The following NUDC variants were observed in gnomAD, a reference collection of about 807,000 sequenced individuals.
NUDC encodes nuclear migration protein nudC.
Under a neutral mutation model 45.0 loss-of-function variants are expected in NUDC, and 14 were observed. The observed-to-expected ratio is 0.31, with a 90% CI of 0.21 to 0.49. NUDC has a LOEUF of 0.49. Among genes scored for constraint, NUDC ranks in the 20% least tolerant of loss-of-function variants. The pLI is 0.99. For synonymous variants in NUDC, 153 were observed against 156.7 expected (o/e 0.98, Z 0.17); for missense variants, 323 against 426.2 (o/e 0.76, Z 2.13).
At chr1:26,907,519 G>T (rs1231516844) in intron 2 of NUDC, among the ~76,000 whole-genome samples, 2 of 151,606 alleles carry the variant, frequency 1.3e-5, no homozygotes, top group Non-Finnish European at 2.9e-5. Context: ...GATAGTGGGT[G>T]TTGGCTTTTT....
chr1:26,901,116 G>C (rs955811407), intron 1 of NUDC, among the ~76,000 whole-genome samples: 1 of 152,138 alleles, frequency 6.6e-6, no homozygotes, highest in Non-Finnish European at 1.5e-5. Flanking sequence ...AACAATTGGC[G>C]TTATCTAGTA....
chr1:26,919,493 T>C (rs2082078598), upstream of NUDC, among the ~76,000 whole-genome samples: 1 of 152,226 alleles, frequency 6.6e-6, no homozygotes, highest in Admixed American at 6.5e-5. Context: ...CATAAACTTG[T>C]TTCTTTCACT....
intron 3 of NUDC, among the ~76,000 whole-genome samples, chr1:26,914,180 G>A (rs561251927): frequency 2.0e-5 from 3 of 152,308 alleles, no homozygotes; most frequent in South Asian, 2.1e-4. Context: ...GAAGTGGCCG[G>A]TGCAGGGCAC....
Position 26,925,718 on chromosome 1 carries a change from A to ATT in NUDC, c.159+1572_159+1573dup, listed in dbSNP as rs35681038. Among the ~76,000 whole-genome samples, 468 of 126,850 alleles carry ATT rather than the reference A, an allele frequency of 3.7e-3. 7 individuals are homozygous for ATT. The highest frequency in any genetic ancestry group is 0.011 in the African/African-American group (388 of 34,250). 83.2% of individuals were successfully genotyped at this position (126,850 alleles called of 152,430 possible). On this transcript the variant is annotated intron_variant, in intron 2 of 8. Coordinates refer to ENST00000321265, the MANE Select transcript of NUDC (RefSeq NM_006600.4). ...TTTGAAAATTGTTATATCATGAGGAATTTTTTTTTTTTTTTTTTTTTGAGA... is the reference window on the plus strand; with the variant it reads ...TTTGAAAATTGTTATATCATGAGGAATTTTTTTTTTTTTTTTTTTTTTTGAGA...
At chr1:26,935,188 G>T (rs958943985) in intron 2 of NUDC, among the ~76,000 whole-genome samples, 1 of 151,068 alleles carries the variant, frequency 6.6e-6, no homozygotes, top group Non-Finnish European at 1.5e-5. Context: ...CACTGTGTTG[G>T]CCAACCTGGT....
At chr1:26,917,973 TACACACAC>T (rs113458577), upstream of NUDC, among the ~76,000 whole-genome samples, 7 of 147,446 alleles carry the variant, frequency 4.7e-5, no homozygotes, top group East Asian at 2.0e-4. Flanking sequence ...AATGAATGTG[TACACACAC>T]ACACACACAC....
chr1:26,913,499 A>C (rs1359174549), intron 3 of NUDC: 9 of 1,613,590 alleles, frequency 5.6e-6, no homozygotes, highest in Admixed American at 1.7e-5. Flanking sequence ...CATTGAAGCC[A>C]CTGCACCGCA....
At chr1:26,917,745 A>G (rs958056571), upstream of NUDC, among the ~76,000 whole-genome samples, 11 of 151,470 alleles carry the variant, frequency 7.3e-5, no homozygotes, top group Non-Finnish European at 1.0e-4. Context: ...AATTAGCCAG[A>G]CATGGTGGTG....
intron 2 of NUDC, among the ~76,000 whole-genome samples, chr1:26,926,558 A>C (rs886989183): frequency 6.6e-6 from 1 of 151,904 alleles, no homozygotes; most frequent in African/African-American, 2.4e-5. Context: ...ATACAAAAGC[A>C]CTTTTAGTTT....
upstream of NUDC, among the ~76,000 whole-genome samples, chr1:26,919,278 G>A (rs1182494082): frequency 6.6e-6 from 1 of 151,902 alleles, no homozygotes. Flanking sequence ...TGAGTTCTAG[G>A]GTACATGTGC....
chr1:26,933,853 C>T (rs180926544), intron 2 of NUDC, among the ~76,000 whole-genome samples: 3 of 152,076 alleles, frequency 2.0e-5, no homozygotes, highest in Admixed American at 6.6e-5. Flanking sequence ...CTGGGTAATT[C>T]ATAAAGAAAA....
upstream of NUDC, among the ~76,000 whole-genome samples, chr1:26,921,432 G>C (rs190422935): frequency 9.1e-4 from 138 of 152,246 alleles, 1 homozygote; most frequent in African/African-American, 3.1e-3. Flanking sequence ...AAGCTGGGGG[G>C]GTCGCTAGCA....
At chr1:26,923,545 A>G (rs925445161) in intron 1 of NUDC, among the ~76,000 whole-genome samples, 1 of 152,016 alleles carries the variant, frequency 6.6e-6, no homozygotes, top group African/African-American at 2.4e-5. Context: ...ATCTTGGCTC[A>G]CTGCAACCTC....
At chr1:26,920,509 A>G (rs937756182), upstream of NUDC, among the ~76,000 whole-genome samples, 1 of 151,822 alleles carries the variant, frequency 6.6e-6, no homozygotes, top group East Asian at 1.9e-4. Context: ...GATAGACTAG[A>G]ATATACTGTA....
intron 2 of NUDC, among the ~76,000 whole-genome samples, chr1:26,928,839 T>G (rs1349395432): frequency 6.6e-6 from 1 of 152,212 alleles, no homozygotes; most frequent in Non-Finnish European, 1.5e-5. Context: ...AAATGGTGCA[T>G]CTGCTATGGA....
At chr1:26,922,130 C>T (rs2082096628) in intron 1 of NUDC, 1 of 605,622 alleles carries the variant, frequency 1.7e-6, no homozygotes, top group East Asian at 2.8e-5. Context: ...CCCCCGGCGC[C>T]CCTCAGTAGT....
chr1:26,932,224 T>G (rs780423780), intron 2 of NUDC, among the ~76,000 whole-genome samples: 1 of 151,322 alleles, frequency 6.6e-6, no homozygotes, highest in Admixed American at 6.6e-5. Context: ...TTGCCCAGGC[T>G]AGAGTATAGT....
Position 26,928,267 on chromosome 1 carries a change from A to G in NUDC, c.159+4101A>G, listed in dbSNP as rs896005085. Among the ~76,000 whole-genome samples the G allele has an allele frequency of 4.6e-5, 7 of 152,196 alleles. No homozygotes were observed. In the South Asian group the frequency reaches 1.4e-3, roughly 31 times the overall value. Reference sequence around the variant, plus strand: ...ATGAATTTTTTTTGGTTAAAAAAACAAAATTTGCCATCTGTCATACTCTAT... The same window carrying G: ...ATGAATTTTTTTTGGTTAAAAAAACGAAATTTGCCATCTGTCATACTCTAT... On this transcript the variant is annotated intron_variant, in intron 2 of 8. Coordinates refer to ENST00000321265, the MANE Select transcript of NUDC (RefSeq NM_006600.4).
chr1:26,939,362 T>A (rs912046708), intron 2 of NUDC, among the ~76,000 whole-genome samples: 2 of 151,444 alleles, frequency 1.3e-5, no homozygotes, highest in African/African-American at 4.8e-5. Flanking sequence ...CATAATGGCT[T>A]ACACTTGTAA....
Sources: gnomAD v4.1 joint callset for allele counts (sites outside exome capture counted in the v4.1 genomes callset) on GRCh38, gnomAD v4.1.1 for gene constraint, MANE v1.5 for transcripts, NCBI Gene and HGNC (gene_info 2026-07-23, HGNC 2026-07-21) for gene names.